IPO11: variants seen among roughly 807,000 people sequenced by gnomAD.
IPO11 encodes importin-11.
IPO11 carries 66 observed loss-of-function variants against 143.2 expected under a neutral mutation model. That is an observed-to-expected ratio of 0.46 (90% CI 0.38 to 0.57). The LOEUF (loss-of-function observed/expected upper bound fraction) is 0.57, where lower values mean the gene tolerates loss of function less well. Among genes scored for constraint, IPO11 ranks in the 20% least tolerant of loss-of-function variants. The pLI is 0.00. For synonymous variants in IPO11, 385 were observed against 377.8 expected (o/e 1.02, Z -0.22); for missense variants, 1,026 against 1,141.0 (o/e 0.90, Z 1.45).
chr5:62,575,482 T>C (rs1744284290), intron 27 of IPO11, among the ~76,000 whole-genome samples: 1 of 152,276 alleles, frequency 6.6e-6, no homozygotes, highest in Non-Finnish European at 1.5e-5. Flanking sequence ...GTCTTTTCTT[T>C]TTCTCTTATA....
intron 29 of IPO11, among the ~76,000 whole-genome samples, chr5:62,610,713 G>T (rs1237424798): frequency 6.6e-6 from 1 of 152,122 alleles, no homozygotes; most frequent in African/African-American, 2.4e-5. Flanking sequence ...TGCTACCATT[G>T]CACAACTAAA....
At chr5:62,416,735 T>TA (rs1384303984) in intron 1 of IPO11, among the ~76,000 whole-genome samples, 2,461 of 150,992 alleles carry the variant, frequency 0.016, 63 homozygotes, top group African/African-American at 0.057. Context: ...TTTTATTTTT[T>TA]TTTTTTGAGA....
At chr5:62,609,460 A>T (rs1040714728) in intron 29 of IPO11, among the ~76,000 whole-genome samples, 2 of 152,212 alleles carry the variant, frequency 1.3e-5, no homozygotes, top group African/African-American at 4.8e-5. Flanking sequence ...TGATTGATAC[A>T]AGCTCCCTAG....
At chr5:62,569,975 A>G (rs1010058512) in intron 27 of IPO11, among the ~76,000 whole-genome samples, 1 of 152,152 alleles carries the variant, frequency 6.6e-6, no homozygotes. Flanking sequence ...TATTTTTTGT[A>G]TAAGCTATGC....
chr5:62,428,486 G>A (rs997658026), intron 1 of IPO11, among the ~76,000 whole-genome samples: 2 of 151,920 alleles, frequency 1.3e-5, no homozygotes, highest in Non-Finnish European at 2.9e-5. Flanking sequence ...TAGGATTACA[G>A]ATGCACGCCA....
At chr5:62,467,457 A>C (rs1470257682) in intron 6 of IPO11, among the ~76,000 whole-genome samples, 194 bp downstream of exon 6, 2 of 117,238 alleles carry the variant, frequency 1.7e-5, no homozygotes, top group Non-Finnish European at 3.9e-5. Context: ...TTTTGAAAGC[A>C]CATATAATAA....
intron 9 of IPO11, among the ~76,000 whole-genome samples, chr5:62,481,430 TC>T (rs1268633620): frequency 6.6e-6 from 1 of 152,188 alleles, no homozygotes; most frequent in African/African-American, 2.4e-5. Flanking sequence ...TTGAGATATG[TC>T]CCATCAATAC....
intron 2 of IPO11, among the ~76,000 whole-genome samples, chr5:62,437,757 A>C (rs891257874): frequency 3.3e-5 from 5 of 152,284 alleles, no homozygotes; most frequent in Non-Finnish European, 7.4e-5. Context: ...TTATGTTGTC[A>C]TAGTTGTTCA....
At chr5:62,496,798 A>G (rs545999888) in intron 16 of IPO11, among the ~76,000 whole-genome samples, 2 of 152,362 alleles carry the variant, frequency 1.3e-5, no homozygotes, top group East Asian at 3.9e-4. Flanking sequence ...TCAAATTGCT[A>G]CACTGAGGAA....
chr5:62,440,998 A>G (rs933541209), intron 2 of IPO11, among the ~76,000 whole-genome samples: 4 of 152,106 alleles, frequency 2.6e-5, no homozygotes, highest in Non-Finnish European at 2.9e-5. Context: ...TTCTATAGCA[A>G]AGGACATACT....
chr5:62,433,970 CA>C (rs1195817056), intron 1 of IPO11, among the ~76,000 whole-genome samples: 4 of 152,066 alleles, frequency 2.6e-5, no homozygotes, highest in Non-Finnish European at 2.9e-5. Context: ...ATGTTGATAG[CA>C]ATATATTTAT....
intron 24 of IPO11, among the ~76,000 whole-genome samples, chr5:62,542,544 A>G (rs1429736803): frequency 6.6e-6 from 1 of 152,086 alleles, no homozygotes; most frequent in African/African-American, 2.4e-5. Flanking sequence ...CATTTTAAAT[A>G]TATTTTTTAC....
intron 11 of IPO11, 51 bp downstream of exon 11, chr5:62,484,213 A>G: frequency 2.7e-6 from 4 of 1,469,932 alleles, no homozygotes. Flanking sequence ...CTTTCTATAA[A>G]TATCTGTTTG....
intron 1 of IPO11, among the ~76,000 whole-genome samples, chr5:62,423,886 C>A (rs1037377196): frequency 6.6e-6 from 1 of 152,126 alleles, no homozygotes; most frequent in African/African-American, 2.4e-5. Flanking sequence ...TCTTTCTTGT[C>A]TTTGGCATAT....
chr5:62,436,431 ACTTATTTT>A (rs1231824168), intron 1 of IPO11, among the ~76,000 whole-genome samples: 1 of 152,152 alleles, frequency 6.6e-6, no homozygotes, highest in African/African-American at 2.4e-5. Context: ...GAGAACTTCG[ACTTATTTT>A]CTGTCAATAT....
chr5:62,606,461 A>G (rs918554871), intron 29 of IPO11, among the ~76,000 whole-genome samples: 1 of 144,534 alleles, frequency 6.9e-6, no homozygotes, highest in Non-Finnish European at 1.5e-5. Context: ...AGCCTAGACA[A>G]CAGAACGAGA....
intron 13 of IPO11, among the ~76,000 whole-genome samples, chr5:62,488,520 A>G (rs554346996): frequency 6.6e-6 from 1 of 152,354 alleles, no homozygotes; most frequent in Non-Finnish European, 1.5e-5. Flanking sequence ...ACAAGGAAAC[A>G]GTTACCTCAT....
rs544304049 is a variant in IPO11, at chr5:62,452,263, TAAA to T, written c.516+335_516+337del. On this transcript the variant is annotated intron_variant, in intron 5 of 29. Coordinates refer to ENST00000325324, the MANE Select transcript of IPO11 (RefSeq NM_016338.5). ...CCGTCTCAAAAAAAATAAAATAAAA[TAAA>T]AAAAGAAAATTGTGCTACTTGTAAA... Among the ~76,000 whole-genome samples the T allele has an allele frequency of 7.6e-3, 1,145 of 150,972 alleles. 73 individuals carry two copies. The highest frequency in any genetic ancestry group is 0.027 in the African/African-American group (1,078 of 40,464).
rs191650490 is a variant in IPO11, at chr5:62,448,176, T to G, written c.240-1751T>G. 3.3e-3 allele frequency among the ~76,000 whole-genome samples: 494 copies of G among 149,442 alleles called. 1 individual carries two copies. The highest frequency in any genetic ancestry group is 0.014 in the South Asian group (68 of 4,692). ...AGTCCTGAGTCCTTTATTTAGTATG[T>G]TTTTTTTTTCAGTCTGATAACAAGA... is the stretch of plus-strand genomic sequence containing the variant. On this transcript the variant is annotated intron_variant, in intron 3 of 29. Transcript: ENST00000325324.
Sources: allele counts gnomAD v4.1 joint callset (sites outside exome capture counted in the v4.1 genomes callset), GRCh38; gene constraint gnomAD v4.1.1; transcripts MANE v1.5; gene names NCBI Gene and HGNC (gene_info 2026-07-23, HGNC 2026-07-21).